The following LAMA2 variants were observed in gnomAD, a reference collection of about 807,000 sequenced individuals.
LAMA2 encodes laminin subunit alpha 2, also known as laminin subunit alpha-2.
In LAMA2, 269 loss-of-function variants were observed where a neutral mutation model predicts 364.8. The ratio of observed to expected loss-of-function variants is 0.74; its 90% confidence interval spans 0.67 to 0.82. LAMA2 has a LOEUF of 0.82. Among genes scored for constraint, LAMA2 ranks in the 40% least tolerant of loss-of-function variants. The pLI, the probability that LAMA2 is intolerant of heterozygous loss-of-function variation, is 0.00. For synonymous variants in LAMA2, 1,379 were observed against 1,370.6 expected, an observed-to-expected ratio of 1.01 and a Z score of -0.14; for missense variants, 3,807 against 3,873.2, an observed-to-expected ratio of 0.98 and a Z score of 0.45.
At chr6:129,452,075 CT>C (rs778388016) in intron 45 of LAMA2, among the ~76,000 whole-genome samples, 1 of 152,198 alleles carries the variant, frequency 6.6e-6, no homozygotes, top group East Asian at 1.9e-4. Context: ...TCTCTGCCTC[CT>C]TCTGGAGCGC....
At chr6:129,311,727 C>T (rs1004799170) in intron 22 of LAMA2, among the ~76,000 whole-genome samples, 1 of 151,986 alleles carries the variant, frequency 6.6e-6, no homozygotes. Flanking sequence ...GAGCAGAAAC[C>T]TTTAAAAGGA....
intron 4 of LAMA2, among the ~76,000 whole-genome samples, chr6:129,117,911 A>G (rs1776569580): frequency 6.6e-6 from 1 of 152,208 alleles, no homozygotes; most frequent in East Asian, 1.9e-4. Context: ...CTGCGTGCTC[A>G]GCCACAATCA....
At chr6:129,241,180 A>T (rs910287518) in intron 12 of LAMA2, among the ~76,000 whole-genome samples, 2 of 152,202 alleles carry the variant, frequency 1.3e-5, no homozygotes, top group African/African-American at 4.8e-5. Context: ...TAATACATTG[A>T]AGTGATATAT....
intron 1 of LAMA2, among the ~76,000 whole-genome samples, chr6:129,030,975 T>C (rs1370105560): frequency 6.6e-6 from 1 of 152,146 alleles, no homozygotes; most frequent in Non-Finnish European, 1.5e-5. Flanking sequence ...TGACAAAAAC[T>C]CATAATATCT....
rs532176174 is a variant in LAMA2 at position 128,919,607 on chromosome 6, T to C, written c.112+36250T>C. 1.6e-4 allele frequency among the ~76,000 whole-genome samples: 24 copies of C among 152,338 alleles called. 1 individual carries two copies. The South Asian group carries it at 5.0e-3, about 32-fold the overall frequency. ...ATTCAGGCCACCATCATCTCACAAC[T>C]AGAAATCATCACTGTGGCCTTCTAA... On this transcript the variant is annotated intron_variant, in intron 1 of 64. Coordinates refer to ENST00000421865, the MANE Select transcript of LAMA2 (RefSeq NM_000426.4).
chr6:129,348,926 T>C (rs900021801), intron 30 of LAMA2, among the ~76,000 whole-genome samples: 1 of 152,212 alleles, frequency 6.6e-6, no homozygotes, highest in Non-Finnish European at 1.5e-5. Context: ...AAGTAATAGC[T>C]ATTCCACTAT....
chr6:129,192,940 C>CA, intron 12 of LAMA2, 87 bp downstream of exon 12: 1 of 1,326,618 alleles, frequency 7.5e-7, no homozygotes, highest in Non-Finnish European at 1.1e-6. Context: ...TAAAGAAAGA[C>CA]AAAATCAAAT....
intron 3 of LAMA2, among the ~76,000 whole-genome samples, chr6:129,063,623 TCTC>T: frequency 6.6e-6 from 1 of 152,176 alleles, no homozygotes. Context: ...CTAGGAGTCT[TCTC>T]CTCAATAAGC....
intron 42 of LAMA2, 102 bp downstream of exon 42, chr6:129,438,864 T>A: frequency 4.0e-6 from 3 of 745,488 alleles, no homozygotes; most frequent in South Asian, 2.9e-5. Context: ...GGTACTATTA[T>A]CTGGAAATTA....
chr6:129,445,378 A>C (rs1180205294), intron 44 of LAMA2, among the ~76,000 whole-genome samples: 1 of 152,196 alleles, frequency 6.6e-6, no homozygotes, highest in African/African-American at 2.4e-5. Flanking sequence ...CTGAAGTTAG[A>C]AATTAAGCAT....
chr6:129,006,887 C>T (rs1247342559), intron 1 of LAMA2, among the ~76,000 whole-genome samples: 1 of 152,146 alleles, frequency 6.6e-6, no homozygotes. Context: ...CGCATGCTTT[C>T]CTGCAGGCTA....
chr6:129,181,749 G>T lies in LAMA2; in HGVS notation c.1467+3883G>T, dbSNP rs56131806. Among the ~76,000 whole-genome samples the T allele has an allele frequency of 4.2e-3, 645 of 151,828 alleles. 5 individuals are homozygous for T. The highest frequency in any genetic ancestry group is 0.015 in the African/African-American group (611 of 41,498). Reference sequence around the variant, plus strand: ...AAGTTTAGCAGAAGTTGCCAAAGAAGAGATTAGAAGAAGTTGAGGGAAACA... The same window carrying T: ...AAGTTTAGCAGAAGTTGCCAAAGAATAGATTAGAAGAAGTTGAGGGAAACA... On this transcript the variant is annotated intron_variant, in intron 10 of 64. Coordinates refer to ENST00000421865, the MANE Select transcript of LAMA2 (RefSeq NM_000426.4).
chr6:129,482,957 C>T (rs2114842459), intron 55 of LAMA2, among the ~76,000 whole-genome samples: 1 of 151,358 alleles, frequency 6.6e-6, no homozygotes, highest in East Asian at 1.9e-4. Context: ...ATCCCAGTTA[C>T]TTGGGAGGCT....
chr6:128,967,892 A>T (rs1347140321), intron 1 of LAMA2, among the ~76,000 whole-genome samples: 3 of 152,136 alleles, frequency 2.0e-5, no homozygotes, highest in African/African-American at 7.2e-5. Context: ...TCTATTATTC[A>T]GTCTTAGCCG....
chr6:129,101,725 T>A (rs556169927), intron 4 of LAMA2, among the ~76,000 whole-genome samples: 9 of 152,358 alleles, frequency 5.9e-5, no homozygotes, highest in Admixed American at 5.9e-4. Flanking sequence ...AAAGCAACAC[T>A]GCCATTATTG....
At chr6:129,239,008 A>T (rs1785212241) in intron 12 of LAMA2, among the ~76,000 whole-genome samples, 1 of 152,174 alleles carries the variant, frequency 6.6e-6, no homozygotes, top group Non-Finnish European at 1.5e-5. Context: ...GTAGTCAGAG[A>T]ATCTTGCTCT....
Position 129,465,256 on chromosome 6 carries a change from A to G in LAMA2, c.7267A>G (p.Lys2423Glu), listed in dbSNP as rs1783482958. 1 of 1,611,492 alleles carries G rather than the reference A, an allele frequency of 6.2e-7. No homozygotes were observed. Among genetic ancestry groups the G allele is most frequent in the Non-Finnish European group, 8.5e-7 (1 of 1,178,306 alleles). The change falls in exon 51 of 65, where the codon AAA becomes GAA. Residue 2423 changes from lysine to glutamate, a missense_variant. Lys to Glu is a moderately conservative substitution (Grantham distance 56). This residue lies in a region of LAMA2 where 3,333 missense variants were observed against 3,345.7 expected (regional missense o/e 1.00). Transcript: ENST00000421865. ...TCAAAACCATAATGATGGGAAATGG[A>G]AATCATTCACTCTGTCAAGAATTCA... ...SNQNHNDGKWKSFTLSRIQKQ... is the reference protein window; with the variant it reads ...SNQNHNDGKWESFTLSRIQKQ...
At position 129,343,856 on chromosome 6, in the gene LAMA2, G is replaced by C. The variant is rs2451677; in HGVS notation, c.4436+1389G>C. Among the ~76,000 whole-genome samples, 22 of 152,236 alleles carry C rather than the reference G, an allele frequency of 1.4e-4. No individual in the cohort carries two copies. In the East Asian group the frequency reaches 2.1e-3, roughly 15 times the overall value. On this transcript the variant is annotated intron_variant, in intron 30 of 64. Coordinates refer to ENST00000421865, the MANE Select transcript of LAMA2 (RefSeq NM_000426.4). ...AAAGAAATAGTAGCATGTATAATGG[G>C]TCTTAAACAATTAATTTCAGGATTT...
Position 129,402,389 on chromosome 6 carries a change from C to T in LAMA2, c.5628C>T (p.Asp1876=). Residue 1876 remains aspartate (D), a synonymous_variant, in exon 39 of 65, where the codon GAC becomes GAT. Coordinates refer to ENST00000421865, the MANE Select transcript of LAMA2 (RefSeq NM_000426.4). The part of the protein sequence containing the change: ...MSEELNDKID[D]LSQEIKDRKL... ...AGGAGCTTAATGATAAAATAGATGA[C>T]CTCTCCCAAGAAATAAAGGACAGGA... 1.9e-6 allele frequency: 3 copies of T among 1,613,874 alleles called. No homozygotes were observed. The highest frequency in any genetic ancestry group is 2.5e-6 in the Non-Finnish European group (3 of 1,179,884).
Sources: gnomAD v4.1 joint callset for allele counts (sites outside exome capture counted in the v4.1 genomes callset) on GRCh38, gnomAD v4.1.1 for gene constraint, gnomAD v4.1.1 regional missense constraint, MANE v1.5 for transcripts, NCBI Gene and HGNC (gene_info 2026-07-23, HGNC 2026-07-21) for gene names.